The following IMMP2L variants were observed in gnomAD, a reference collection of about 807,000 sequenced individuals.
The protein encoded by IMMP2L is mitochondrial inner membrane protease subunit 2.
In IMMP2L, 18 loss-of-function variants were observed where a neutral mutation model predicts 19.3. The observed-to-expected ratio is 0.93, with a 90% CI of 0.64 to 1.38. The LOEUF (loss-of-function observed/expected upper bound fraction) is 1.38. Ranked by LOEUF, IMMP2L falls within the 40% of genes most tolerant of loss-of-function variation. The pLI is 0.00. For missense variants in IMMP2L, 233 were observed against 218.2 expected, an observed-to-expected ratio of 1.07 and a Z score of -0.43; for synonymous variants, 76 against 73.0, an observed-to-expected ratio of 1.04 and a Z score of -0.21.
intron 5 of IMMP2L, among the ~76,000 whole-genome samples, chr7:110,810,144 C>G (rs1801930642): frequency 6.6e-6 from 1 of 152,002 alleles, no homozygotes; most frequent in Non-Finnish European, 1.5e-5. Context: ...CTTGTTTAGT[C>G]CTCTTAATTT....
intron 5 of IMMP2L, among the ~76,000 whole-genome samples, chr7:110,851,675 T>C (rs1806239800): frequency 6.6e-6 from 1 of 152,136 alleles, no homozygotes; most frequent in Non-Finnish European, 1.5e-5. Flanking sequence ...CCCTCTAGGA[T>C]TGAACTAACT....
At chr7:111,044,421 C>T (rs1263648647) in intron 3 of IMMP2L, among the ~76,000 whole-genome samples, 1 of 152,050 alleles carries the variant, frequency 6.6e-6, no homozygotes, top group Non-Finnish European at 1.5e-5. Context: ...ATTAGCTGGG[C>T]ATGGTGATGA....
At chr7:110,913,279 G>A (rs561774219) in intron 4 of IMMP2L, among the ~76,000 whole-genome samples, 18 of 152,154 alleles carry the variant, frequency 1.2e-4, no homozygotes, top group Middle Eastern at 3.4e-3. Context: ...GATTTGATGC[G>A]CATCAAGGGA....
chr7:111,303,542 A>C (rs960431227), intron 3 of IMMP2L, among the ~76,000 whole-genome samples: 2 of 152,060 alleles, frequency 1.3e-5, no homozygotes, highest in Non-Finnish European at 1.5e-5. Flanking sequence ...AGGGCATCCT[A>C]TATTTTATTT....
chr7:110,700,612 G>A (rs983539377), intron 5 of IMMP2L, among the ~76,000 whole-genome samples: 3 of 152,170 alleles, frequency 2.0e-5, no homozygotes, highest in Non-Finnish European at 4.4e-5. Context: ...GGCATCTCCA[G>A]TGCTTTGCAT....
At chr7:111,003,518 A>G (rs1256319268) in intron 3 of IMMP2L, among the ~76,000 whole-genome samples, 1 of 148,166 alleles carries the variant, frequency 6.7e-6, no homozygotes, top group African/African-American at 2.5e-5. Context: ...TTTCAGATAG[A>G]TTTTTTTTTT....
At position 111,198,684 on chromosome 7, in the gene IMMP2L, T is replaced by G. The variant is rs115780710; in HGVS notation, c.240-235119A>C. Among the ~76,000 whole-genome samples, 882 of 152,278 alleles carry G rather than the reference T, an allele frequency of 5.8e-3. 13 individuals are homozygous for G. The highest frequency in any genetic ancestry group is 0.02 in the African/African-American group (812 of 41,540). On this transcript the variant is annotated intron_variant, in intron 3 of 5. Transcript: ENST00000405709. ...CTGCCTACCAAAATCTTATCCTTCTTTCAATACTTTTGCAAATGCTACTTC... is the reference window on the plus strand; with the variant it reads ...CTGCCTACCAAAATCTTATCCTTCTGTCAATACTTTTGCAAATGCTACTTC...
intron 3 of IMMP2L, among the ~76,000 whole-genome samples, chr7:111,193,616 G>C (rs966996505): frequency 6.6e-6 from 1 of 152,016 alleles, no homozygotes; most frequent in Admixed American, 6.6e-5. Flanking sequence ...ATAGTCCTCC[G>C]AATGGGAAAT....
At chr7:110,790,365 A>AG (rs1800381044) in intron 5 of IMMP2L, among the ~76,000 whole-genome samples, 1 of 151,736 alleles carries the variant, frequency 6.6e-6, no homozygotes, top group Non-Finnish European at 1.5e-5. Context: ...ATGTGATCTG[A>AG]GTGGCATTTT....
chr7:111,116,065 T>G lies in IMMP2L; in HGVS notation c.240-152500A>C, dbSNP rs191790379. 2.6e-5 allele frequency among the ~76,000 whole-genome samples: 4 copies of G among 152,294 alleles called. No homozygotes were observed. In the East Asian group the frequency reaches 7.7e-4, roughly 29 times the overall value. ...AGAAAAAAGATAAAACATCCAAGATTCTCTCAAATCTGCCCAAAGCATATC... is the reference window on the plus strand; with the variant it reads ...AGAAAAAAGATAAAACATCCAAGATGCTCTCAAATCTGCCCAAAGCATATC... On this transcript the variant is annotated intron_variant, in intron 3 of 5. Coordinates refer to ENST00000405709, the MANE Select transcript of IMMP2L (RefSeq NM_032549.4).
chr7:111,037,331 G>A (rs1390261697), intron 3 of IMMP2L, among the ~76,000 whole-genome samples: 1 of 152,066 alleles, frequency 6.6e-6, no homozygotes, highest in Non-Finnish European at 1.5e-5. Flanking sequence ...CAAAGACTGG[G>A]AATGCAACCG....
rs1315994013 is a variant in IMMP2L at position 110,943,229 on chromosome 7, CTCCT to C, written c.305+20267_305+20270del. Among the ~76,000 whole-genome samples the C allele has an allele frequency of 3.9e-5, 6 of 152,090 alleles. No individual in the cohort carries two copies. The East Asian group carries it at 1.2e-3, about 29-fold the overall frequency. ...ATTTTTAGGCCCTTTTGACAGTCAG[CTCCT>C]TGAAAAGAGAGTTTCTGACTTAGCC... On this transcript the variant is annotated intron_variant, in intron 4 of 5. Coordinates refer to ENST00000405709, the MANE Select transcript of IMMP2L (RefSeq NM_032549.4).
chr7:110,815,369 A>G (rs1802404640), intron 5 of IMMP2L, among the ~76,000 whole-genome samples: 1 of 152,030 alleles, frequency 6.6e-6, no homozygotes, highest in Non-Finnish European at 1.5e-5. Flanking sequence ...TCGGTTTGCC[A>G]GTATTTTATT....
chr7:110,907,924 T>A (rs1812644618), intron 4 of IMMP2L, among the ~76,000 whole-genome samples: 3 of 151,982 alleles, frequency 2.0e-5, no homozygotes, highest in Non-Finnish European at 2.9e-5. Context: ...CAGGTAGAAG[T>A]AAAGTAGGAG....
chr7:110,816,349 G>C (rs1231296433), intron 5 of IMMP2L, among the ~76,000 whole-genome samples: 3 of 152,008 alleles, frequency 2.0e-5, no homozygotes, highest in East Asian at 1.9e-4. Context: ...TATAATTTCT[G>C]TTCTTTTACA....
intron 5 of IMMP2L, among the ~76,000 whole-genome samples, chr7:110,681,503 G>A (rs368151010): frequency 6.6e-6 from 1 of 152,158 alleles, no homozygotes; most frequent in South Asian, 2.1e-4. Context: ...CCACTGGGCT[G>A]TAAGGAACAC....
chr7:111,347,692 G>C (rs1004889461), intron 3 of IMMP2L, among the ~76,000 whole-genome samples: 2 of 151,860 alleles, frequency 1.3e-5, no homozygotes, highest in South Asian at 2.1e-4. Context: ...GGGAGTAGAG[G>C]GTTGGGCTTG....
intron 3 of IMMP2L, among the ~76,000 whole-genome samples, chr7:111,071,497 G>A (rs1055870704): frequency 6.6e-6 from 1 of 152,054 alleles, no homozygotes; most frequent in African/African-American, 2.4e-5. Context: ...ACAAATATCT[G>A]TCGATGGATA....
chr7:111,083,875 T>C (rs1796088014), intron 3 of IMMP2L, among the ~76,000 whole-genome samples: 1 of 152,244 alleles, frequency 6.6e-6, no homozygotes, highest in Non-Finnish European at 1.5e-5. Flanking sequence ...TTGTGGTTTG[T>C]GGATAGCTCA....
Sources: allele counts gnomAD v4.1 joint callset (sites outside exome capture counted in the v4.1 genomes callset), GRCh38; gene constraint gnomAD v4.1.1; transcripts MANE v1.5; gene names NCBI Gene and HGNC (gene_info 2026-07-23, HGNC 2026-07-21).